The following PURB variants were observed in gnomAD, a reference collection of about 807,000 sequenced individuals.
PURB encodes the protein transcriptional regulator protein Pur-beta.
A neutral mutation model predicts 21.1 loss-of-function variants in PURB; 11 were observed. That is an observed-to-expected ratio of 0.52 (90% CI 0.33 to 0.86). The LOEUF is 0.86. Ranked by LOEUF, PURB falls within the 40% of genes least tolerant of loss-of-function variation. The pLI, the probability that PURB is intolerant of heterozygous loss-of-function variation, is 0.02. For missense variants in PURB, 357 were observed against 456.5 expected, an observed-to-expected ratio of 0.78 and a Z score of 1.99; for synonymous variants, 246 against 210.8, an observed-to-expected ratio of 1.17 and a Z score of -1.45.
rs915527707 is a variant in PURB, at chr7:44,885,295, C to G, written c.54G>C (p.Gly18=). The G allele has an allele frequency of 1.3e-6, 2 of 1,496,120 alleles. No individual in the cohort carries two copies. The highest frequency in any genetic ancestry group is 2.7e-5 in the East Asian group (1 of 37,072). 92.7% of individuals were successfully genotyped at this position (1,496,120 alleles called of 1,614,324 possible). Residue 18 remains glycine (G), a synonymous_variant, in exon 1 of 1, where the codon GGG becomes GGC. Transcript: ENST00000395699. ...SERGGGGGPC[G]FQPASRGGGE... ...CGCCGCCGCGGGACGCGGGCTGGAA[C>G]CCGCACGGCCCACCGCCGCCGCCGC...
rs892312518 is a variant in PURB at position 44,879,760 on chromosome 7, A to C, written c.*4650T>G. ...AAAGATTTCTACTCTTCTTACACAG[A>C]GTTAGAACAATATTCATAAGCAATT... On this transcript the variant is annotated 3_prime_UTR_variant, in exon 1 of 1. Coordinates refer to ENST00000395699, the MANE Select transcript of PURB (RefSeq NM_033224.5). The C allele has an allele frequency of 2.0e-5, 3 of 152,656 alleles. No homozygotes were observed. The highest frequency in any genetic ancestry group is 4.8e-5 in the African/African-American group (2 of 41,460). The allele number at this position is 152,656 out of a possible 1,614,324, so 9.5% of individuals were successfully genotyped here. A position where few individuals can be genotyped will look rare whatever the true frequency, so the allele number is the denominator to read the frequency against.
chr7:44,884,200 T>C lies in PURB; in HGVS notation c.*210A>G. On this transcript the variant is annotated 3_prime_UTR_variant, in exon 1 of 1. Coordinates refer to ENST00000395699, the MANE Select transcript of PURB (RefSeq NM_033224.5). ...TGCTGTTTTCCTCTTTGCAGGTTGC[T>C]GTCAGTTCCTTGGAACTTGACTGCT... is the stretch of plus-strand genomic sequence containing the variant. The C allele has an allele frequency of 1.4e-5, 16 of 1,176,300 alleles. No individual in the cohort carries two copies. Among genetic ancestry groups the C allele is most frequent in the Non-Finnish European group, 1.7e-5 (15 of 867,656 alleles). The allele number at this position is 1,176,300 out of a possible 1,614,324, so 72.9% of individuals were successfully genotyped here.
rs1562802325 is a variant in PURB, at chr7:44,884,189, T to A, written c.*221A>T. ...AGGTGAGGAGATGCTGTTTTCCTCT[T>A]TGCAGGTTGCTGTCAGTTCCTTGGA... On this transcript the variant is annotated 3_prime_UTR_variant, in exon 1 of 1. Transcript: ENST00000395699. 3 of 1,075,904 alleles carry A rather than the reference T, an allele frequency of 2.8e-6. No homozygotes were observed. The Admixed American group carries it at 8.9e-5, about 32-fold the overall frequency. The allele number at this position is 1,075,904 out of a possible 1,614,324, so 66.6% of individuals were successfully genotyped here. A position where few individuals can be genotyped will look rare whatever the true frequency, so the allele number is the denominator to read the frequency against.
In PURB at chr7:44,885,169, C is replaced by G; in HGVS notation, c.180G>C (p.Lys60Asn). Residue 60 changes from lysine to asparagine, a missense_variant, in exon 1 of 1, where the codon AAG becomes AAC. By Grantham distance (94) the Lys-to-Asn change is moderately conservative (BLOSUM62 0). Coordinates refer to ENST00000395699, the MANE Select transcript of PURB (RefSeq NM_033224.5). ...AACCGCCCGCGCCCACCTCGGCGAT[C>G]TTGAGGAAGCGGCCCTTGGCGTTCT... is the stretch of plus-strand genomic sequence containing the variant. ...VKQNAKGRFL[K>N]IAEVGAGGSK... 6.3e-7 allele frequency: 1 copy of G among 1,583,760 alleles called. No homozygotes were observed. The highest frequency in any genetic ancestry group is 8.5e-7 in the Non-Finnish European group (1 of 1,169,856).
Position 44,885,414 on chromosome 7 carries a change from C to G in PURB, c.-66G>C. On this transcript the variant is annotated 5_prime_UTR_variant, in exon 1 of 1. Transcript: ENST00000395699. ...GCGCCCCCGCCCTCCGGCTCGCGCTCCGGGGCCCCCCAGCCTCGCCCGCCC... is the reference window on the plus strand; with the variant it reads ...GCGCCCCCGCCCTCCGGCTCGCGCTGCGGGGCCCCCCAGCCTCGCCCGCCC... 1.7e-6 allele frequency: 1 copy of G among 582,878 alleles called. No homozygotes were observed. The highest frequency in any genetic ancestry group is 2.0e-5 in the African/African-American group (1 of 48,788). 36.1% of individuals were successfully genotyped at this position (582,878 alleles called of 1,614,324 possible).
In PURB at chr7:44,884,555, C is replaced by T. The variant is rs1319269549; in HGVS notation, c.794G>A (p.Trp265Ter). Residue 265 changes from tryptophan to a stop codon, truncating the protein, a stop_gained, in exon 1 of 1, where the codon TGG becomes TAG. Coordinates refer to ENST00000395699, the MANE Select transcript of PURB (RefSeq NM_033224.5). LOFTEE classifies it high-confidence loss of function. Reference sequence around the variant, plus strand: ...GCAAAAGGCGCCTCCGAACTTGCCCCAGGCTTTGAAGGGTACGGTGATGGC... The same window carrying T: ...GCAAAAGGCGCCTCCGAACTTGCCCTAGGCTTTGAAGGGTACGGTGATGGC... ...RNAITVPFKA[W>*]GKFGGAFCRY... 6.2e-7 allele frequency: 1 copy of T among 1,614,210 alleles called. No homozygotes were observed. Among genetic ancestry groups the T allele is most frequent in the Non-Finnish European group, 8.5e-7 (1 of 1,180,046 alleles).
chr7:44,884,166 G>C lies in PURB; in HGVS notation c.*244C>G, dbSNP rs1793920713. 4.6e-6 allele frequency: 4 copies of C among 860,906 alleles called. No individual in the cohort carries two copies. Among genetic ancestry groups the C allele is most frequent in the Non-Finnish European group, 6.8e-6 (4 of 584,780 alleles). The allele number at this position is 860,906 out of a possible 1,614,324, so 53.3% of individuals were successfully genotyped here. Reference sequence around the variant, plus strand: ...CAGAAGCTGAGACAATTTTACGCAGGTGAGGAGATGCTGTTTTCCTCTTTG... The same window carrying C: ...CAGAAGCTGAGACAATTTTACGCAGCTGAGGAGATGCTGTTTTCCTCTTTG... On this transcript the variant is annotated 3_prime_UTR_variant, in exon 1 of 1. Transcript: ENST00000395699.
rs1266400832 is a variant in PURB at position 44,881,523 on chromosome 7, T to C, written c.*2887A>G. On this transcript the variant is annotated 3_prime_UTR_variant, in exon 1 of 1. Coordinates refer to ENST00000395699, the MANE Select transcript of PURB (RefSeq NM_033224.5). ...TTGCAGGAGAAACAAACCTTAGAGA[T>C]TGGTTAAGACTTAAAAACCCACCAC... The C allele has an allele frequency of 1.3e-5, 2 of 152,544 alleles. No individual in the cohort carries two copies. The highest frequency in any genetic ancestry group is 6.6e-5 in the Admixed American group (1 of 15,258). The allele number at this position is 152,544 out of a possible 1,614,324, so 9.4% of individuals were successfully genotyped here.
At position 44,884,965 on chromosome 7, in the gene PURB, G is replaced by A. The variant is rs771701435; in HGVS notation, c.384C>T (p.Asn128=). Residue 128 remains asparagine, a synonymous_variant, in exon 1 of 1, where the codon AAC becomes AAT. Transcript: ENST00000395699. Reference sequence around the variant, plus strand: ...CCTTGAGGTCCAGGTAGTACTTGCGGTTCTCACGCACCAAGAATTCGCTCT... The same window carrying A: ...CCTTGAGGTCCAGGTAGTACTTGCGATTCTCACGCACCAAGAATTCGCTCT... ...ALKSEFLVRE[N]RKYYLDLKEN... 6.4e-7 allele frequency: 1 copy of A among 1,574,402 alleles called. No homozygotes were observed. Among genetic ancestry groups the A allele is most frequent in the Non-Finnish European group, 8.6e-7 (1 of 1,162,984 alleles).
chr7:44,882,624 T>C lies in PURB; in HGVS notation c.*1786A>G, dbSNP rs1793893748. 6.6e-6 allele frequency: 1 copy of C among 152,176 alleles called. No individual in the cohort carries two copies. The highest frequency in any genetic ancestry group is 2.4e-5 in the African/African-American group (1 of 41,434). 9.4% of individuals were successfully genotyped at this position (152,176 alleles called of 1,614,324 possible). A position where few individuals can be genotyped will look rare whatever the true frequency, so the allele number is the denominator to read the frequency against. On this transcript the variant is annotated 3_prime_UTR_variant, in exon 1 of 1. Transcript: ENST00000395699. Reference sequence around the variant, plus strand: ...TTTCCCAATAAATACAAAAAGATTGTATAGATTGAATAATACCAAAATAAG... The same window carrying C: ...TTTCCCAATAAATACAAAAAGATTGCATAGATTGAATAATACCAAAATAAG...
Position 44,884,231 on chromosome 7 carries a change from C to G in PURB, c.*179G>C. On this transcript the variant is annotated 3_prime_UTR_variant, in exon 1 of 1. Transcript: ENST00000395699. Reference sequence around the variant, plus strand: ...TTCCTTGGAACTTGACTGCTTTTCTCAAGTTGTCCGTCACTGTTCTCTTAC... The same window carrying G: ...TTCCTTGGAACTTGACTGCTTTTCTGAAGTTGTCCGTCACTGTTCTCTTAC... The G allele has an allele frequency of 7.3e-7, 1 of 1,376,390 alleles. No homozygotes were observed. Among genetic ancestry groups the G allele is most frequent in the East Asian group, 2.5e-5 (1 of 39,436 alleles). The allele number at this position is 1,376,390 out of a possible 1,614,324, so 85.3% of individuals were successfully genotyped here. A position where few individuals can be genotyped will look rare whatever the true frequency, so the allele number is the denominator to read the frequency against.
chr7:44,883,182 A>G lies in PURB; in HGVS notation c.*1228T>C, dbSNP rs1028163829. The stretch of plus-strand genomic sequence containing the variant: ...TGGATCAAGTTCTTAAAAATTTTAA[A>G]AGAATAAATGATGCTGGAATTCTGG... On this transcript the variant is annotated 3_prime_UTR_variant, in exon 1 of 1. Transcript: ENST00000395699. The G allele has an allele frequency of 3.3e-5, 5 of 152,652 alleles. No homozygotes were observed. Among genetic ancestry groups the G allele is most frequent in the African/African-American group, 4.8e-5 (2 of 41,466 alleles). The allele number at this position is 152,652 out of a possible 1,614,324, so 9.5% of individuals were successfully genotyped here.
Position 44,881,603 on chromosome 7 carries a change from C to T in PURB, c.*2807G>A, listed in dbSNP as rs1248464394. The stretch of plus-strand genomic sequence containing the variant: ...CAGGTCAAAATTTTAATATAAATTA[C>T]TTTTGCCAACACATAGCTTATGCAT... On this transcript the variant is annotated 3_prime_UTR_variant, in exon 1 of 1. Coordinates refer to ENST00000395699, the MANE Select transcript of PURB (RefSeq NM_033224.5). 1.3e-5 allele frequency: 2 copies of T among 152,616 alleles called. No homozygotes were observed. Among genetic ancestry groups the T allele is most frequent in the African/African-American group, 4.8e-5 (2 of 41,442 alleles). 9.5% of individuals were successfully genotyped at this position (152,616 alleles called of 1,614,324 possible).
Position 44,884,161 on chromosome 7 carries a change from C to T in PURB, c.*249G>A, listed in dbSNP as rs1362764615. ...AACAACAGAAGCTGAGACAATTTTA[C>T]GCAGGTGAGGAGATGCTGTTTTCCT... On this transcript the variant is annotated 3_prime_UTR_variant, in exon 1 of 1. Coordinates refer to ENST00000395699, the MANE Select transcript of PURB (RefSeq NM_033224.5). 6 of 814,062 alleles carry T rather than the reference C, an allele frequency of 7.4e-6. No homozygotes were observed. The highest frequency in any genetic ancestry group is 1.7e-5 in the African/African-American group (1 of 57,698). 50.4% of individuals were successfully genotyped at this position (814,062 alleles called of 1,614,324 possible).
rs1793821288 is a variant in PURB at position 44,877,769 on chromosome 7, A to G, written c.*6641T>C. Reference sequence around the variant, plus strand: ...CAGTGAGCTGAGATCAAGCCACTACACTCACTCCAGCCTGGACGATAAGAG... The same window carrying G: ...CAGTGAGCTGAGATCAAGCCACTACGCTCACTCCAGCCTGGACGATAAGAG... On this transcript the variant is annotated 3_prime_UTR_variant, in exon 1 of 1. Transcript: ENST00000395699. 6.6e-6 allele frequency: 1 copy of G among 151,500 alleles called. No homozygotes were observed. The highest frequency in any genetic ancestry group is 1.5e-5 in the Non-Finnish European group (1 of 67,928). The allele number at this position is 151,500 out of a possible 1,614,324, so 9.4% of individuals were successfully genotyped here.
Position 44,884,929 on chromosome 7 carries a change from G to A in PURB, c.420C>T (p.Arg140=), listed in dbSNP as rs1285305620. 1.9e-6 allele frequency: 3 copies of A among 1,584,602 alleles called. No homozygotes were observed. Among genetic ancestry groups the A allele is most frequent in the Admixed American group, 1.8e-5 (1 of 55,732 alleles). ...KYYLDLKENQ[R]GRFLRIRQTV... The stretch of plus-strand genomic sequence containing the variant: ...TTTGGCGGATGCGCAGGAAGCGGCC[G>A]CGCTGGTTCTCCTTGAGGTCCAGGT... Residue 140 remains arginine (R), a synonymous_variant, in exon 1 of 1, where the codon CGC becomes CGT. Transcript: ENST00000395699.
rs1793806150 is a variant in PURB, at chr7:44,876,581, G to A, written c.*7829C>T. 1 of 152,614 alleles carries A rather than the reference G, an allele frequency of 6.6e-6. No individual in the cohort carries two copies. The highest frequency in any genetic ancestry group is 6.5e-5 in the Admixed American group (1 of 15,268). The allele number at this position is 152,614 out of a possible 1,614,324, so 9.5% of individuals were successfully genotyped here. A position where few individuals can be genotyped will look rare whatever the true frequency, so the allele number is the denominator to read the frequency against. ...ATCAGAATCTGAGCTTCAACCTACAGGCAGTGAGATCAACAGCCCGTCTGG... is the reference window on the plus strand; with the variant it reads ...ATCAGAATCTGAGCTTCAACCTACAAGCAGTGAGATCAACAGCCCGTCTGG... On this transcript the variant is annotated 3_prime_UTR_variant, in exon 1 of 1. Coordinates refer to ENST00000395699, the MANE Select transcript of PURB (RefSeq NM_033224.5).
At position 44,880,606 on chromosome 7, in the gene PURB, GCATT is replaced by G. The variant is rs1056299344; in HGVS notation, c.*3800_*3803del. 2.0e-5 allele frequency: 3 copies of G among 152,580 alleles called. No individual in the cohort carries two copies. The highest frequency in any genetic ancestry group is 2.0e-4 in the Admixed American group (3 of 15,278). 9.5% of individuals were successfully genotyped at this position (152,580 alleles called of 1,614,324 possible). A position where few individuals can be genotyped will look rare whatever the true frequency, so the allele number is the denominator to read the frequency against. On this transcript the variant is annotated 3_prime_UTR_variant, in exon 1 of 1. Transcript: ENST00000395699. ...CGTTTACAGACCACTCAATATGAGG[GCATT>G]ATTATAACCAGCCTCTTTTGCCCAC...
In PURB at chr7:44,878,348, AG is replaced by A. The variant is rs1473542624; in HGVS notation, c.*6061del. 8.5e-5 allele frequency: 13 copies of A among 152,246 alleles called. No individual in the cohort carries two copies. The highest frequency in any genetic ancestry group is 2.9e-4 in the African/African-American group (12 of 41,468). 9.4% of individuals were successfully genotyped at this position (152,246 alleles called of 1,614,324 possible). A position where few individuals can be genotyped will look rare whatever the true frequency, so the allele number is the denominator to read the frequency against. On this transcript the variant is annotated 3_prime_UTR_variant, in exon 1 of 1. Transcript: ENST00000395699. ...GTCAATGGATATTAGATATAACACA[AG>A]GAAAATGAAATTTGCTTCTAGACTC...
Sources: allele counts gnomAD v4.1 joint callset, GRCh38; gene constraint gnomAD v4.1.1; transcripts MANE v1.5; gene names NCBI Gene and HGNC (gene_info 2026-07-23, HGNC 2026-07-21).